Variants in DLGAP1 observed in about 807,000 individuals in gnomAD.
The protein encoded by DLGAP1 is DLG associated protein 1.
DLGAP1 carries 11 observed loss-of-function variants against 90.8 expected under a neutral mutation model. The ratio of observed to expected loss-of-function variants is 0.12; its 90% CI spans 0.08 to 0.20. The LOEUF (loss-of-function observed/expected upper bound fraction) is 0.20, where lower values mean the gene tolerates loss of function less well. Among genes scored for constraint, DLGAP1 ranks in the 10% least tolerant of loss-of-function variants. DLGAP1 has a pLI of 1.00. For synonymous variants in DLGAP1, 558 were observed against 540.7 expected, an observed-to-expected ratio of 1.03 and a Z score of -0.44; for missense variants, 1,050 against 1,333.8, an observed-to-expected ratio of 0.79 and a Z score of 3.31.
intron 3 of DLGAP1, among the ~76,000 whole-genome samples, chr18:3,981,977 T>A (rs1368099558): frequency 1.3e-5 from 2 of 152,180 alleles, no homozygotes; most frequent in Non-Finnish European, 2.9e-5. Flanking sequence ...TGGTTACTAT[T>A]TAACTTTCTT....
intron 2 of DLGAP1, among the ~76,000 whole-genome samples, chr18:4,144,950 T>C (rs2076560242): frequency 6.6e-6 from 1 of 152,214 alleles, no homozygotes; most frequent in Admixed American, 6.5e-5. Flanking sequence ...TGTAATAAAC[T>C]CTATTATACT....
intron 7 of DLGAP1, among the ~76,000 whole-genome samples, chr18:3,720,660 C>T (rs1056872114): frequency 3.3e-5 from 5 of 151,874 alleles, no homozygotes; most frequent in East Asian, 1.9e-4. Context: ...AATTTCCAAC[C>T]GCTATTAGTT....
intron 3 of DLGAP1, among the ~76,000 whole-genome samples, chr18:3,955,911 A>T (rs1400964792): frequency 6.6e-6 from 1 of 152,238 alleles, no homozygotes; most frequent in Non-Finnish European, 1.5e-5. Context: ...ACATAGAAAA[A>T]AGAACAATTC....
chr18:4,056,150 G>T (rs918121869), intron 2 of DLGAP1, among the ~76,000 whole-genome samples: 1 of 152,172 alleles, frequency 6.6e-6, no homozygotes, highest in Non-Finnish European at 1.5e-5. Flanking sequence ...GGGGAAGGGG[G>T]CAGGAGAAGG....
At chr18:4,354,767 A>G (rs1472711309) in intron 1 of DLGAP1, among the ~76,000 whole-genome samples, 2 of 151,776 alleles carry the variant, frequency 1.3e-5, no homozygotes, top group African/African-American at 2.4e-5. Flanking sequence ...TTGTATATAC[A>G]TGTCTCAACA....
chr18:4,422,963 C>T (rs2083073208), intron 1 of DLGAP1, among the ~76,000 whole-genome samples: 1 of 152,092 alleles, frequency 6.6e-6, no homozygotes, highest in South Asian at 2.1e-4. Context: ...GGAAGAGGCA[C>T]TAACCTTAAC....
chr18:4,445,342 C>T (rs280977), intron 1 of DLGAP1, among the ~76,000 whole-genome samples: 29,660 of 150,706 alleles, frequency 0.2, 3,558 homozygotes, highest in Non-Finnish European at 0.24. Flanking sequence ...ACATGTGCAC[C>T]TTATGCAGGT....
chr18:3,599,262 CATTAA>C (rs1255972920), intron 7 of DLGAP1, among the ~76,000 whole-genome samples: 1 of 152,192 alleles, frequency 6.6e-6, no homozygotes, highest in African/African-American at 2.4e-5. Flanking sequence ...CCTATAGTCT[CATTAA>C]ATTAAAAACA....
intron 3 of DLGAP1, among the ~76,000 whole-genome samples, chr18:3,945,732 T>C (rs961740320): frequency 2.6e-5 from 4 of 152,124 alleles, no homozygotes; most frequent in Admixed American, 1.3e-4. Context: ...TGTATACATA[T>C]GTAACTAACC....
intron 5 of DLGAP1, among the ~76,000 whole-genome samples, chr18:3,813,194 T>C (rs1032126886): frequency 4.6e-5 from 7 of 152,230 alleles, no homozygotes; most frequent in African/African-American, 1.4e-4. Flanking sequence ...GCATATAATA[T>C]GGTTGTCCCA....
intron 3 of DLGAP1, among the ~76,000 whole-genome samples, chr18:3,975,880 T>C (rs993761495): frequency 6.6e-6 from 1 of 152,010 alleles, no homozygotes; most frequent in Admixed American, 6.6e-5. Context: ...ATCAAATTCA[T>C]AGAGTCAGAA....
chr18:3,978,501 C>A, intron 3 of DLGAP1: 3 of 246,484 alleles, frequency 1.2e-5, no homozygotes, highest in South Asian at 1.2e-4. Flanking sequence ...TCGTTGAGGT[C>A]AATGAACGGG....
chr18:4,209,749 G>A, intron 1 of DLGAP1, among the ~76,000 whole-genome samples: 1 of 152,098 alleles, frequency 6.6e-6, no homozygotes, highest in East Asian at 1.9e-4. Flanking sequence ...ATTTTGGGGG[G>A]TACAAATTGG....
chr18:3,635,220 T>C (rs2058662339), intron 7 of DLGAP1, among the ~76,000 whole-genome samples: 1 of 150,682 alleles, frequency 6.6e-6, no homozygotes, highest in Non-Finnish European at 1.5e-5. Context: ...AAGCTCCGCC[T>C]CCCGGGTTCA....
At position 3,517,671 on chromosome 18, in the gene DLGAP1, G is replaced by T. The variant is rs1167667309; in HGVS notation, c.2480-9010C>A. ...AGTCTCTACTAAAAATACAAAATTA[G>T]TCAGGCACGGTGGCGCATGCCTGTA... On this transcript the variant is annotated intron_variant, in intron 10 of 12. Transcript: ENST00000315677. The surrounding 1 kb of genome is among the most constrained non-coding windows in gnomAD (Gnocchi z 4.1). 6.6e-6 allele frequency among the ~76,000 whole-genome samples: 1 copy of T among 152,108 alleles called. No homozygotes were observed. Among genetic ancestry groups the T allele is most frequent in the Non-Finnish European group, 1.5e-5 (1 of 68,028 alleles).
chr18:3,721,214 C>T lies in DLGAP1; in HGVS notation c.1591+7921G>A, dbSNP rs542532428. On this transcript the variant is annotated intron_variant, in intron 7 of 12. Transcript: ENST00000315677. ...TTTGCTCTACAGTTCAAGCAAGAGA[C>T]CAGTCAGATCAGAATTACATTAGTT... Among the ~76,000 whole-genome samples the T allele has an allele frequency of 1.1e-4, 16 of 152,274 alleles. No individual in the cohort carries two copies. In the East Asian group the frequency reaches 2.9e-3, roughly 28 times the overall value.
chr18:3,613,272 AG>A (rs1168399938), intron 7 of DLGAP1, among the ~76,000 whole-genome samples: 6 of 152,182 alleles, frequency 3.9e-5, no homozygotes, highest in Non-Finnish European at 7.3e-5. Flanking sequence ...AACCCTTCTC[AG>A]GAAAAAAAAA....
intron 7 of DLGAP1, among the ~76,000 whole-genome samples, chr18:3,608,630 G>C (rs568536775): frequency 9.9e-5 from 15 of 152,204 alleles, no homozygotes; most frequent in Admixed American, 3.9e-4. Flanking sequence ...GAGCAAGAAG[G>C]TCACTCACTG....
chr18:3,831,610 A>G (rs1217950748), intron 4 of DLGAP1, among the ~76,000 whole-genome samples: 1 of 152,208 alleles, frequency 6.6e-6, no homozygotes, highest in Non-Finnish European at 1.5e-5. Context: ...CCTTTGGGAA[A>G]TGTCAGCTTC....
Sources: gnomAD v4.1 joint callset for allele counts (sites outside exome capture counted in the v4.1 genomes callset) on GRCh38, gnomAD v4.1.1 for gene constraint, Gnocchi (gnomAD v3.1) non-coding constraint, MANE v1.5 for transcripts, NCBI Gene and HGNC (gene_info 2026-07-23, HGNC 2026-07-21) for gene names.